The following TESK2 variants were observed in gnomAD, a reference collection of about 807,000 sequenced individuals.
TESK2 encodes dual specificity testis-specific protein kinase 2.
Under a neutral mutation model 57.1 loss-of-function variants are expected in TESK2, and 39 were observed. The observed-to-expected ratio is 0.68, with a 90% confidence interval of 0.53 to 0.89. The LOEUF (loss-of-function observed/expected upper bound fraction) is 0.89, where lower values mean the gene tolerates loss of function less well. Among genes scored for constraint, TESK2 ranks in the 40% least tolerant of loss-of-function variants. The pLI, the probability that TESK2 is intolerant of heterozygous loss-of-function variation, is 0.00. For missense variants in TESK2, 646 were observed against 732.1 expected, an observed-to-expected ratio of 0.88 and a Z score of 1.36; for synonymous variants, 249 against 267.9, an observed-to-expected ratio of 0.93 and a Z score of 0.69.
At chr1:45,460,344 CCT>C (rs1372721717) in intron 1 of TESK2, among the ~76,000 whole-genome samples, 1 of 151,888 alleles carries the variant, frequency 6.6e-6, no homozygotes, top group African/African-American at 2.4e-5. Flanking sequence ...ATGGCAAAAC[CCT>C]CTCTCTACGA....
chr1:45,448,237 CAAAAAA>C (rs762537140), intron 2 of TESK2, among the ~76,000 whole-genome samples: 32 of 84,366 alleles, frequency 3.8e-4, no homozygotes, highest in African/African-American at 4.9e-4. Context: ...GACCCTGTCT[CAAAAAA>C]AAAAAAAAAA....
chr1:45,452,791 C>T (rs2149298139), intron 2 of TESK2, among the ~76,000 whole-genome samples: 1 of 151,916 alleles, frequency 6.6e-6, no homozygotes, highest in Non-Finnish European at 1.5e-5. Context: ...GTGGCTCATG[C>T]CTATAATGCC....
intron 3 of TESK2, among the ~76,000 whole-genome samples, chr1:45,398,089 TG>T (rs1358121413): frequency 6.6e-6 from 1 of 152,080 alleles, no homozygotes; most frequent in Non-Finnish European, 1.5e-5. Context: ...TTAATTTTTT[TG>T]TAGAGATGGG....
At chr1:45,446,188 G>T (rs1384137236) in intron 2 of TESK2, among the ~76,000 whole-genome samples, 3 of 146,518 alleles carry the variant, frequency 2.0e-5, no homozygotes, top group Non-Finnish European at 4.5e-5. Context: ...TTTTTAGACA[G>T]GGTCTCACTA....
intron 4 of TESK2, among the ~76,000 whole-genome samples, chr1:45,369,335 C>T (rs1009263124): frequency 9.2e-5 from 14 of 151,952 alleles, no homozygotes; most frequent in African/African-American, 3.1e-4. Context: ...CCCGTCTCTA[C>T]TAAAAATACA....
At position 45,491,097 on chromosome 1, in the gene TESK2, A is replaced by G. The variant is rs1204503848; in HGVS notation, c.-332T>C. On this transcript the variant is annotated 5_prime_UTR_variant, in exon 1 of 11. Coordinates refer to ENST00000372086, the MANE Select transcript of TESK2 (RefSeq NM_007170.3). ...CCCCCGCCTGTTTGGCGGGGCCAGG[A>G]GGACGATCCGACCAGCGAAGCCAAC... 6.6e-6 allele frequency: 1 copy of G among 152,200 alleles called. No individual in the cohort carries two copies. The highest frequency in any genetic ancestry group is 1.5e-5 in the Non-Finnish European group (1 of 68,052). The allele number at this position is 152,200 out of a possible 1,614,324, so 9.4% of individuals were successfully genotyped here. A position where few individuals can be genotyped will look rare whatever the true frequency, so the allele number is the denominator to read the frequency against.
At chr1:45,445,190 C>T (rs182664151) in intron 2 of TESK2, among the ~76,000 whole-genome samples, 1 of 152,154 alleles carries the variant, frequency 6.6e-6, no homozygotes, top group East Asian at 1.9e-4. Flanking sequence ...CAGTTTCAAC[C>T]CACTATGATC....
At chr1:45,371,423 C>T (rs1344088142) in intron 4 of TESK2, among the ~76,000 whole-genome samples, 1 of 152,008 alleles carries the variant, frequency 6.6e-6, no homozygotes, top group East Asian at 1.9e-4. Flanking sequence ...TTTATGCAGC[C>T]ATAAAAAGGA....
intron 3 of TESK2, among the ~76,000 whole-genome samples, chr1:45,396,824 T>A (rs1447941335): frequency 7.2e-6 from 1 of 139,476 alleles, no homozygotes; most frequent in Non-Finnish European, 1.5e-5. Flanking sequence ...TTTTTTTTTT[T>A]TTTTGAGATG....
At chr1:45,429,532 T>A (rs761798754) in intron 2 of TESK2, among the ~76,000 whole-genome samples, 59 of 152,190 alleles carry the variant, frequency 3.9e-4, no homozygotes, top group Non-Finnish European at 6.0e-4. Flanking sequence ...GCATTTTTTT[T>A]AAAGTATATA....
At chr1:45,417,944 A>G (rs1014672306) in intron 3 of TESK2, among the ~76,000 whole-genome samples, 1 of 152,184 alleles carries the variant, frequency 6.6e-6, no homozygotes, top group Non-Finnish European at 1.5e-5. Context: ...CCATTTTATT[A>G]TATAACAAGT....
rs146291205 is a variant in TESK2, at chr1:45,476,630, A to G, written c.-87+14222T>C. Among the ~76,000 whole-genome samples, 1,206 of 151,474 alleles carry G rather than the reference A, an allele frequency of 8.0e-3. 13 individuals are homozygous for G. The highest frequency in any genetic ancestry group is 0.028 in the African/African-American group (1,149 of 41,264). On this transcript the variant is annotated intron_variant, in intron 1 of 10. Transcript: ENST00000372086. ...TGGGAGGCTAAGGTGGGAGAATCAC[A>G]AGGTCAGGAGATCAAGGCCATCCTG... is the stretch of plus-strand genomic sequence containing the variant.
At chr1:45,419,760 C>A (rs746965871) in intron 3 of TESK2, among the ~76,000 whole-genome samples, 2 of 151,878 alleles carry the variant, frequency 1.3e-5, no homozygotes, top group African/African-American at 4.8e-5. Context: ...GAGCTGAGAT[C>A]GAGCCATTGC....
chr1:45,405,800 G>C (rs1335025537), intron 3 of TESK2, among the ~76,000 whole-genome samples: 1 of 151,860 alleles, frequency 6.6e-6, no homozygotes, highest in Admixed American at 6.6e-5. Context: ...TAGCCCAGCA[G>C]GAGGCCAAGG....
intron 3 of TESK2, chr1:45,415,203 A>C: frequency 6.6e-7 from 1 of 1,509,060 alleles, no homozygotes; most frequent in East Asian, 2.3e-5. Flanking sequence ...TCCAGGGTTT[A>C]TGTGTCCGGT....
intron 3 of TESK2, among the ~76,000 whole-genome samples, chr1:45,416,043 C>CAAAA (rs1650224718): frequency 7.4e-6 from 1 of 135,500 alleles, no homozygotes; most frequent in Admixed American, 7.8e-5. Flanking sequence ...CCAGGGAAGC[C>CAAAA]AAAAGATTGG....
chr1:45,415,037 A>G (rs1650183585), intron 3 of TESK2: 1 of 1,147,996 alleles, frequency 8.7e-7, no homozygotes, highest in African/African-American at 1.5e-5. Flanking sequence ...CAACCCCACC[A>G]TGTTCTTCAA....
intron 1 of TESK2, among the ~76,000 whole-genome samples, chr1:45,479,796 A>T (rs1653139314): frequency 6.7e-6 from 1 of 149,740 alleles, no homozygotes; most frequent in South Asian, 2.1e-4. Context: ...TAAAGGACTG[A>T]AATGCAGAAG....
At chr1:45,451,025 G>C (rs999512742) in intron 2 of TESK2, among the ~76,000 whole-genome samples, 2 of 152,106 alleles carry the variant, frequency 1.3e-5, no homozygotes, top group African/African-American at 2.4e-5. Flanking sequence ...GAAAATACTT[G>C]CAACATACAT....
Sources: gnomAD v4.1 joint callset for allele counts (sites outside exome capture counted in the v4.1 genomes callset) on GRCh38, gnomAD v4.1.1 for gene constraint, MANE v1.5 for transcripts, NCBI Gene and HGNC (gene_info 2026-07-23, HGNC 2026-07-21) for gene names.